PARD3: variants seen among roughly 807,000 people sequenced by gnomAD.
PARD3 encodes the protein partitioning defective 3 homolog.
In PARD3, 75 loss-of-function variants were observed where a neutral mutation model predicts 155.4. The observed-to-expected ratio is 0.48, with a 90% CI of 0.40 to 0.58. PARD3 has a LOEUF of 0.58. Among genes scored for constraint, PARD3 ranks in the 20% least tolerant of loss-of-function variants. The pLI, the probability that PARD3 is intolerant of heterozygous loss-of-function variation, is 0.00. For synonymous variants in PARD3, 576 were observed against 610.5 expected (o/e 0.94, Z 0.83); for missense variants, 1,642 against 1,721.7 (o/e 0.95, Z 0.82).
chr10:34,560,288 G>A (rs1200856623), intron 2 of PARD3, among the ~76,000 whole-genome samples: 1 of 151,938 alleles, frequency 6.6e-6, no homozygotes, highest in African/African-American at 2.4e-5. Context: ...CAGGGGTGCT[G>A]GCATATATCA....
At chr10:34,178,723 A>T (rs1480164339) in intron 22 of PARD3, among the ~76,000 whole-genome samples, 1 of 152,198 alleles carries the variant, frequency 6.6e-6, no homozygotes, top group Admixed American at 6.5e-5. Flanking sequence ...AGAAAGAAAG[A>T]AAGCTCTGTG....
At chr10:34,572,624 G>C (rs1481005708) in intron 2 of PARD3, among the ~76,000 whole-genome samples, 1 of 147,274 alleles carries the variant, frequency 6.8e-6, no homozygotes, top group Non-Finnish European at 1.5e-5. Context: ...CGGGGTGACA[G>C]AGCAAGACTC....
At chr10:34,387,179 A>G (rs1269956969) in intron 7 of PARD3, among the ~76,000 whole-genome samples, 1 of 152,210 alleles carries the variant, frequency 6.6e-6, no homozygotes, top group Non-Finnish European at 1.5e-5. Context: ...ATATGACTAC[A>G]ATATTACTGC....
chr10:34,143,575 C>T lies in PARD3; in HGVS notation c.3420-11992G>A, dbSNP rs35567774. Among the ~76,000 whole-genome samples, 1,329 of 152,134 alleles carry T rather than the reference C, an allele frequency of 8.7e-3. 7 individuals are homozygous for T. The highest frequency in any genetic ancestry group is 0.013 in the Admixed American group (205 of 15,278). ...GACAGCATAATTGCAAAACACTATA[C>T]GAAACTAAGCTATGTTTTTTTAAAA... On this transcript the variant is annotated intron_variant, in intron 22 of 24. Coordinates refer to ENST00000374788, the MANE Select transcript of PARD3 (RefSeq NM_001184785.2).
At chr10:34,764,296 G>C (rs1268347375) in intron 1 of PARD3, among the ~76,000 whole-genome samples, 1 of 152,164 alleles carries the variant, frequency 6.6e-6, no homozygotes. Flanking sequence ...TTAAATATAA[G>C]ATCTCCTAAT....
chr10:34,744,100 A>G (rs1835011800), intron 1 of PARD3, among the ~76,000 whole-genome samples: 1 of 152,246 alleles, frequency 6.6e-6, no homozygotes, highest in South Asian at 2.1e-4. Context: ...AGCTGTGCCA[A>G]CTAGACCAGT....
At position 34,651,011 on chromosome 10, in the gene PARD3, C is replaced by CAAAAAAAA. The variant is rs60113552; in HGVS notation, c.222+45299_222+45306dup. On this transcript the variant is annotated intron_variant, in intron 2 of 24. Transcript: ENST00000374788. ...GGGCAACAAGAACGAAACTCTGTCT[C>CAAAAAAAA]AAAAAAAAAAAAAAAAAAAAAAAAA... Among the ~76,000 whole-genome samples the CAAAAAAAA allele has an allele frequency of 5.8e-4, 26 of 44,544 alleles. 3 individuals carry two copies. Among genetic ancestry groups the CAAAAAAAA allele is most frequent in the East Asian group, 3.2e-3 (3 of 940 alleles). 29.2% of individuals were successfully genotyped at this position (44,544 alleles called of 152,430 possible). A position where few individuals can be genotyped will look rare whatever the true frequency, so the allele number is the denominator to read the frequency against.
chr10:34,750,969 G>A (rs1442578985), intron 1 of PARD3, among the ~76,000 whole-genome samples: 5 of 152,146 alleles, frequency 3.3e-5, no homozygotes, highest in African/African-American at 7.2e-5. Flanking sequence ...GATTACAGGC[G>A]TGAGCCACCG....
intron 5 of PARD3, among the ~76,000 whole-genome samples, chr10:34,437,780 A>G (rs1214590841): frequency 6.6e-6 from 1 of 152,224 alleles, no homozygotes; most frequent in Non-Finnish European, 1.5e-5. Flanking sequence ...AAATTATTCA[A>G]TATAATCAAA....
chr10:34,591,113 C>G (rs887943005), intron 2 of PARD3, among the ~76,000 whole-genome samples: 3 of 152,106 alleles, frequency 2.0e-5, no homozygotes, highest in East Asian at 3.9e-4. Context: ...GTCCCAGTCA[C>G]GAAGACCAGC....
At chr10:34,350,581 C>T (rs568437997) in intron 14 of PARD3, among the ~76,000 whole-genome samples, 29 of 138,450 alleles carry the variant, frequency 2.1e-4, no homozygotes, top group African/African-American at 6.5e-4. Context: ...TGCAGTGAGC[C>T]GAGATCACGC....
At chr10:34,406,900 T>C (rs1360581786) in intron 5 of PARD3, among the ~76,000 whole-genome samples, 2 of 152,126 alleles carry the variant, frequency 1.3e-5, no homozygotes, top group East Asian at 3.9e-4. Context: ...CACATTGCCA[T>C]GTGCTGTGAC....
intron 2 of PARD3, among the ~76,000 whole-genome samples, chr10:34,551,386 CAG>C (rs1385331691): frequency 6.6e-6 from 1 of 152,160 alleles, no homozygotes; most frequent in Non-Finnish European, 1.5e-5. Context: ...ATACAACATA[CAG>C]AGTCACTTCT....
intron 1 of PARD3, among the ~76,000 whole-genome samples, chr10:34,784,658 A>G (rs1840712617): frequency 6.6e-6 from 1 of 152,154 alleles, no homozygotes; most frequent in Non-Finnish European, 1.5e-5. Context: ...GCTGGTCTCG[A>G]ACTCCTGACC....
intron 22 of PARD3, among the ~76,000 whole-genome samples, chr10:34,188,880 C>T (rs935993725): frequency 6.6e-6 from 1 of 152,110 alleles, no homozygotes; most frequent in Non-Finnish European, 1.5e-5. Flanking sequence ...CCCCCCACAC[C>T]CTTCCCAACA....
chr10:34,187,896 C>T (rs576931391), intron 22 of PARD3, among the ~76,000 whole-genome samples: 12 of 152,080 alleles, frequency 7.9e-5, no homozygotes, highest in East Asian at 1.9e-4. Context: ...ATCTCTCTAC[C>T]GTGGCGATGA....
At chr10:34,390,205 T>A (rs1842754286) in intron 7 of PARD3, among the ~76,000 whole-genome samples, 1 of 152,222 alleles carries the variant, frequency 6.6e-6, no homozygotes, top group Non-Finnish European at 1.5e-5. Context: ...CTGTAATTCT[T>A]CATTAGCATA....
At chr10:34,262,497 C>T (rs1021345259) in intron 22 of PARD3, among the ~76,000 whole-genome samples, 4 of 152,100 alleles carry the variant, frequency 2.6e-5, no homozygotes, top group African/African-American at 9.7e-5. Context: ...AACTCCTGGC[C>T]TCAAGTGATC....
chr10:34,589,668 T>G (rs1273451698), intron 2 of PARD3, among the ~76,000 whole-genome samples: 1 of 124,436 alleles, frequency 8.0e-6, no homozygotes. Context: ...ACCAAGCATG[T>G]CAAAATATAG....
Sources: gnomAD v4.1 joint callset for allele counts (sites outside exome capture counted in the v4.1 genomes callset) on GRCh38, gnomAD v4.1.1 for gene constraint, MANE v1.5 for transcripts, NCBI Gene and HGNC (gene_info 2026-07-23, HGNC 2026-07-21) for gene names.